ECPAS: variants seen among roughly 807,000 people sequenced by gnomAD.
The protein encoded by ECPAS is Ecm29 proteasome adaptor and scaffold, also known as proteasome adapter and scaffold protein ECM29.
A neutral mutation model predicts 255.1 loss-of-function variants in ECPAS; 70 were observed. That is an observed-to-expected ratio of 0.27 (90% confidence interval 0.23 to 0.33). The LOEUF (loss-of-function observed/expected upper bound fraction) is 0.33. Ranked by LOEUF, ECPAS falls within the 10% of genes least tolerant of loss-of-function variation. The pLI is 1.00. For missense variants in ECPAS, 1,817 were observed against 2,206.4 expected, an observed-to-expected ratio of 0.82 and a Z score of 3.54; for synonymous variants, 784 against 775.0, an observed-to-expected ratio of 1.01 and a Z score of -0.19.
rs923554741 is a variant in ECPAS, at chr9:111,404,463, C to T, written c.2652+4108G>A. ...CCCTGCCCAAATCTCATGACTGAAT[C>T]GTAATCCCCAATGTTGGAGGAGAGG... On this transcript the variant is annotated intron_variant, in intron 24 of 49. Coordinates refer to ENST00000684092, the MANE Select transcript of ECPAS (RefSeq NM_001364929.1). 1.3e-5 allele frequency among the ~76,000 whole-genome samples: 2 copies of T among 149,064 alleles called. 1 individual carries two copies. Among genetic ancestry groups the T allele is most frequent in the African/African-American group, 5.1e-5 (2 of 39,002 alleles).
At chr9:111,380,568 C>G (rs958763341) in intron 35 of ECPAS, among the ~76,000 whole-genome samples, 1 of 152,218 alleles carries the variant, frequency 6.6e-6, no homozygotes, top group Admixed American at 6.5e-5. Context: ...TGGCCCCTAA[C>G]AAGACAGTCA....
chr9:111,403,191 G>GAA (rs34002065), intron 24 of ECPAS, among the ~76,000 whole-genome samples: 36,126 of 120,338 alleles, frequency 0.3, 6,218 homozygotes, highest in Non-Finnish European at 0.43. Context: ...CATCTCTACT[G>GAA]AAAAAAAAAA....
intron 3 of ECPAS, among the ~76,000 whole-genome samples, chr9:111,447,538 T>C (rs1243989026): frequency 6.6e-6 from 1 of 152,184 alleles, no homozygotes; most frequent in Non-Finnish European, 1.5e-5. Flanking sequence ...CAAGAAAGAT[T>C]TAAAAATAAC....
At chr9:111,413,844 T>C in intron 20 of ECPAS, 51 bp downstream of exon 20, 1 of 1,146,260 alleles carries the variant, frequency 8.7e-7, no homozygotes, top group South Asian at 1.5e-5. Flanking sequence ...AATCATGAAG[T>C]TAAGGTCTGA....
intron 3 of ECPAS, among the ~76,000 whole-genome samples, chr9:111,450,849 CA>C (rs2098259367): frequency 6.6e-6 from 1 of 152,090 alleles, no homozygotes. Context: ...GGCCTAAGCC[CA>C]GAAGATCGAG....
intron 9 of ECPAS, among the ~76,000 whole-genome samples, chr9:111,429,054 T>A (rs2098225950): frequency 6.6e-6 from 1 of 152,232 alleles, no homozygotes; most frequent in Non-Finnish European, 1.5e-5. Flanking sequence ...TTCTCAAAAC[T>A]CTAATTTTTG....
chr9:111,398,081 C>A (rs1211752072), intron 24 of ECPAS, among the ~76,000 whole-genome samples: 1 of 152,176 alleles, frequency 6.6e-6, no homozygotes, highest in Non-Finnish European at 1.5e-5. Flanking sequence ...AATGAACAGA[C>A]AGCATGTGAG....
intron 25 of ECPAS, among the ~76,000 whole-genome samples, chr9:111,396,604 G>A (rs1038712887): frequency 6.6e-6 from 1 of 152,282 alleles, no homozygotes; most frequent in East Asian, 1.9e-4. Flanking sequence ...AGGATAGAGT[G>A]CAGTGGCATA....
intron 24 of ECPAS, among the ~76,000 whole-genome samples, chr9:111,401,016 A>C (rs2098175144): frequency 6.6e-6 from 1 of 152,234 alleles, no homozygotes; most frequent in African/African-American, 2.4e-5. Flanking sequence ...CAAAGTACCA[A>C]GAGAAAAGAA....
chr9:111,397,232 A>G lies in ECPAS; in HGVS notation c.2653-79T>C, dbSNP rs188359046. 3.8e-6 allele frequency: 6 copies of G among 1,563,396 alleles called. No homozygotes were observed. The Admixed American group carries it at 5.2e-5, about 13-fold the overall frequency. ...TCCATTTCTACAGAAAGCCTGCTTA[A>G]AAGTGTGGTTCTGAGCATGTTTTGT... On this transcript the variant is annotated intron_variant, in intron 24 of 49. Transcript: ENST00000684092.
chr9:111,478,295 G>A (rs993635911), intron 1 of ECPAS, among the ~76,000 whole-genome samples: 1 of 151,918 alleles, frequency 6.6e-6, no homozygotes, highest in African/African-American at 2.4e-5. Context: ...TTGGGAGGCA[G>A]AGGTGGGTGG....
intron 29 of ECPAS, among the ~76,000 whole-genome samples, chr9:111,390,370 C>G (rs1589135552): frequency 6.6e-6 from 1 of 152,272 alleles, no homozygotes; most frequent in Non-Finnish European, 1.5e-5. Flanking sequence ...CCACTCACCA[C>G]CTGGAGATGC....
At chr9:111,482,988 C>G (rs946597818) in intron 1 of ECPAS, among the ~76,000 whole-genome samples, 4 of 152,244 alleles carry the variant, frequency 2.6e-5, no homozygotes, top group African/African-American at 4.8e-5. Flanking sequence ...GCGACCCTCT[C>G]CGCCCTCCCT....
At chr9:111,432,294 T>C (rs905277185) in intron 8 of ECPAS, among the ~76,000 whole-genome samples, 1 of 152,208 alleles carries the variant, frequency 6.6e-6, no homozygotes, top group African/African-American at 2.4e-5. Flanking sequence ...CATTTCAATT[T>C]ATAATGCCAA....
intron 48 of ECPAS, among the ~76,000 whole-genome samples, chr9:111,364,714 G>C (rs921978627): frequency 6.6e-6 from 1 of 152,218 alleles, no homozygotes; most frequent in Non-Finnish European, 1.5e-5. Context: ...TAACTATCCA[G>C]TAGAGAAAAA....
chr9:111,469,367 T>C (rs932308481), intron 2 of ECPAS, among the ~76,000 whole-genome samples: 3 of 151,464 alleles, frequency 2.0e-5, no homozygotes, highest in East Asian at 2.0e-4. Context: ...ACCCTGTCTA[T>C]ACTAAACATA....
chr9:111,399,636 G>T (rs553306059), intron 24 of ECPAS, among the ~76,000 whole-genome samples: 2 of 152,136 alleles, frequency 1.3e-5, no homozygotes, highest in South Asian at 2.1e-4. Flanking sequence ...TTTCACCAGC[G>T]GCTAGACCAC....
intron 2 of ECPAS, among the ~76,000 whole-genome samples, chr9:111,455,599 G>A (rs985278175): frequency 6.6e-6 from 1 of 152,208 alleles, no homozygotes; most frequent in Non-Finnish European, 1.5e-5. Context: ...GCTAAGAGTG[G>A]TTCATTGTGC....
intron 1 of ECPAS, among the ~76,000 whole-genome samples, chr9:111,474,331 T>C (rs2098293454): frequency 6.6e-6 from 1 of 152,198 alleles, no homozygotes; most frequent in Admixed American, 6.5e-5. Flanking sequence ...TTTAGATTCA[T>C]CTCTAACTCC....
Sources: allele counts gnomAD v4.1 joint callset (sites outside exome capture counted in the v4.1 genomes callset), GRCh38; gene constraint gnomAD v4.1.1; transcripts MANE v1.5; gene names NCBI Gene and HGNC (gene_info 2026-07-23, HGNC 2026-07-21).